Variants in PARD3B observed in about 807,000 individuals in gnomAD.
The protein encoded by PARD3B is par-3 family cell polarity regulator beta, also known as partitioning defective 3 homolog B.
PARD3B carries 103 observed loss-of-function variants against 130.2 expected under a neutral mutation model. The observed-to-expected ratio is 0.79, with a 90% CI of 0.67 to 0.93. The LOEUF (loss-of-function observed/expected upper bound fraction) is 0.93. Ranked by LOEUF, PARD3B falls within the 40% of genes least tolerant of loss-of-function variation. The probability of loss-of-function intolerance (pLI) is 0.00; values close to 1 mark genes in which losing one functional copy is unlikely to be tolerated. For synonymous variants in PARD3B, 583 were observed against 553.2 expected, an observed-to-expected ratio of 1.05 and a Z score of -0.76; for missense variants, 1,609 against 1,499.2, an observed-to-expected ratio of 1.07 and a Z score of -1.21.
chr2:205,252,933 G>C (rs1185377758), intron 16 of PARD3B, among the ~76,000 whole-genome samples: 2 of 149,506 alleles, frequency 1.3e-5, no homozygotes, highest in African/African-American at 4.9e-5. Context: ...ATTAGCAATG[G>C]AAGGGGAAAG....
intron 1 of PARD3B, among the ~76,000 whole-genome samples, chr2:204,597,166 G>A (rs963217718): frequency 6.6e-6 from 1 of 152,030 alleles, no homozygotes; most frequent in Non-Finnish European, 1.5e-5. Context: ...GATCTTTGAT[G>A]AGGACTTTGT....
At chr2:204,660,196 T>G (rs143724793) in intron 1 of PARD3B, among the ~76,000 whole-genome samples, 3 of 152,266 alleles carry the variant, frequency 2.0e-5, no homozygotes, top group African/African-American at 7.2e-5. Context: ...GAATTATAAA[T>G]TTTCATCCCT....
intron 21 of PARD3B, among the ~76,000 whole-genome samples, chr2:205,506,992 G>A (rs1401090593): frequency 6.6e-6 from 1 of 151,978 alleles, no homozygotes; most frequent in Non-Finnish European, 1.5e-5. Flanking sequence ...CTCTCTGCAG[G>A]CACCATTCTC....
chr2:204,575,465 C>T (rs2032209447), intron 1 of PARD3B, among the ~76,000 whole-genome samples: 1 of 151,982 alleles, frequency 6.6e-6, no homozygotes, highest in Non-Finnish European at 1.5e-5. Flanking sequence ...AATTATTGAC[C>T]CTCTGAAACC....
intron 18 of PARD3B, among the ~76,000 whole-genome samples, chr2:205,305,863 A>C (rs1172342573): frequency 6.6e-6 from 1 of 152,228 alleles, no homozygotes; most frequent in African/African-American, 2.4e-5. Context: ...TAATTATTAT[A>C]GTAAACATAA....
rs1175589676 is a variant in PARD3B, at chr2:205,158,667, G to A, written c.1435-55G>A. ...TCTGTGTCTGGTCATCTGAGAGAGT[G>A]AAATATTAATCTGCTTTCTTCTCTT... On this transcript the variant is annotated intron_variant, in intron 10 of 22. Transcript: ENST00000406610. The surrounding 1 kb of genome is among the most constrained non-coding windows in gnomAD (Gnocchi z 5.4). 1 of 1,503,848 alleles carries A rather than the reference G, an allele frequency of 6.6e-7. No homozygotes were observed. Among genetic ancestry groups the A allele is most frequent in the Non-Finnish European group, 9.1e-7 (1 of 1,099,240 alleles). The allele number at this position is 1,503,848 out of a possible 1,614,324, so 93.2% of individuals were successfully genotyped here.
chr2:204,653,311 G>T (rs1485187007), intron 1 of PARD3B, among the ~76,000 whole-genome samples: 1 of 149,754 alleles, frequency 6.7e-6, no homozygotes, highest in African/African-American at 2.5e-5. Flanking sequence ...AGCTATTATG[G>T]AAAAAAGAAA....
In PARD3B at chr2:205,231,917, A is replaced by G. The variant is rs115139659; in HGVS notation, c.2141-13861A>G. ...CAAGGCTAGGCCAAAAGGATTCAAG[A>G]AGCAGTACCCAGAGCACACTCAAGA... is the stretch of plus-strand genomic sequence containing the variant. On this transcript the variant is annotated intron_variant, in intron 15 of 22. Coordinates refer to ENST00000406610, the MANE Select transcript of PARD3B (RefSeq NM_001302769.2). Among the ~76,000 whole-genome samples the G allele has an allele frequency of 6.9e-3, 1,052 of 152,310 alleles. 15 individuals are homozygous for G. The highest frequency in any genetic ancestry group is 0.024 in the African/African-American group (995 of 41,556).
intron 16 of PARD3B, among the ~76,000 whole-genome samples, chr2:205,294,229 T>C (rs1007653920): frequency 1.3e-5 from 2 of 152,152 alleles, no homozygotes; most frequent in African/African-American, 4.8e-5. Context: ...TCTGGGATCC[T>C]CAGTTGCCCT....
chr2:204,745,738 C>T (rs2040196126), intron 2 of PARD3B, among the ~76,000 whole-genome samples: 2 of 152,074 alleles, frequency 1.3e-5, no homozygotes, highest in Admixed American at 6.5e-5. Context: ...GAAGGTTGAG[C>T]CAATCTAATA....
intron 1 of PARD3B, among the ~76,000 whole-genome samples, chr2:204,604,471 T>G (rs1357690668): frequency 1.3e-5 from 2 of 152,232 alleles, no homozygotes; most frequent in Non-Finnish European, 2.9e-5. Flanking sequence ...CCAATGGACA[T>G]TTTTAGAGCA....
In PARD3B at chr2:205,309,465, T is replaced by C. The variant is rs535530608; in HGVS notation, c.2630+7764T>C. On this transcript the variant is annotated intron_variant, in intron 18 of 22. Transcript: ENST00000406610. The surrounding 1 kb of genome is among the most constrained non-coding windows in gnomAD (Gnocchi z 4.7). ...TAAGCCTTACAGATTTTAAGGCATA[T>C]ATGTTTACTTCATTTTATTCTAAAA... Among the ~76,000 whole-genome samples, 9 of 152,332 alleles carry C rather than the reference T, an allele frequency of 5.9e-5. No individual in the cohort carries two copies. The South Asian group carries it at 1.9e-3, about 32-fold the overall frequency.
rs184255835 is a variant in PARD3B at position 204,670,656 on chromosome 2, T to C, written c.121-15525T>C. ...TATTTTATAGCTATAACTCAAGCTA[T>C]ACGTTTTTTTCTCCTTGTTTCCTAA... On this transcript the variant is annotated intron_variant, in intron 1 of 22. Coordinates refer to ENST00000406610, the MANE Select transcript of PARD3B (RefSeq NM_001302769.2). Among the ~76,000 whole-genome samples the C allele has an allele frequency of 2.2e-3, 328 of 152,320 alleles. 1 individual carries two copies. Among genetic ancestry groups the C allele is most frequent in the Non-Finnish European group, 3.8e-3 (261 of 68,022 alleles).
chr2:204,610,510 C>A lies in PARD3B; in HGVS notation c.120+64391C>A, dbSNP rs2033883902. On this transcript the variant is annotated intron_variant, in intron 1 of 22. Transcript: ENST00000406610. This position sits in a 1 kb window ranked among gnomAD's most constrained non-coding sequence, Gnocchi z 4.1. ...GGCTGGGATTACAGATGCACACCAC[C>A]ATGCCCAGCTAATTTTTGTATTTTT... Among the ~76,000 whole-genome samples the A allele has an allele frequency of 6.6e-6, 1 of 152,164 alleles. No homozygotes were observed. The highest frequency in any genetic ancestry group is 1.9e-4 in the East Asian group (1 of 5,188).
At chr2:205,147,385 TTTAATCTCTGAC>T (rs780931740) in intron 10 of PARD3B, among the ~76,000 whole-genome samples, 83 of 152,314 alleles carry the variant, frequency 5.4e-4, no homozygotes, top group Admixed American at 1.8e-3. Flanking sequence ...TTTTGTTAGT[TTTAATCTCTGAC>T]TTAATATTAT....
At chr2:205,517,496 CCTAT>C (rs1218324536) in intron 21 of PARD3B, among the ~76,000 whole-genome samples, 3 of 151,918 alleles carry the variant, frequency 2.0e-5, no homozygotes, top group Admixed American at 6.6e-5. Context: ...TAGCTACCAG[CCTAT>C]CTATCTTACT....
chr2:205,615,862 T>A lies in PARD3B; in HGVS notation c.*49T>A. The A allele has an allele frequency of 6.7e-7, 1 of 1,486,574 alleles. No individual in the cohort carries two copies. 92.1% of individuals were successfully genotyped at this position (1,486,574 alleles called of 1,614,324 possible). A position where few individuals can be genotyped will look rare whatever the true frequency, so the allele number is the denominator to read the frequency against. On this transcript the variant is annotated 3_prime_UTR_variant, in exon 23 of 23. Coordinates refer to ENST00000406610, the MANE Select transcript of PARD3B (RefSeq NM_001302769.2). ...GGTCCAGAAAGGAAGGTGTCTACTC[T>A]ACCTTTGCCCTTTCTAAACCTGAAG... is the stretch of plus-strand genomic sequence containing the variant.
At chr2:205,372,915 G>C (rs849199) in intron 18 of PARD3B, among the ~76,000 whole-genome samples, 31,907 of 152,112 alleles carry the variant, frequency 0.21, 3,889 homozygotes, top group African/African-American at 0.33. Flanking sequence ...GGAGGTCAAG[G>C]TTGCAGTGAG....
intron 5 of PARD3B, among the ~76,000 whole-genome samples, chr2:205,110,325 C>A (rs1703541799): frequency 6.6e-6 from 1 of 152,214 alleles, no homozygotes; most frequent in Non-Finnish European, 1.5e-5. Context: ...CCTTTCACTT[C>A]TAGCTCTAGC....
Sources: gnomAD v4.1 joint callset for allele counts (sites outside exome capture counted in the v4.1 genomes callset) on GRCh38, gnomAD v4.1.1 for gene constraint, Gnocchi (gnomAD v3.1) non-coding constraint, MANE v1.5 for transcripts, NCBI Gene and HGNC (gene_info 2026-07-23, HGNC 2026-07-21) for gene names.